WDR41: variants seen among roughly 807,000 people sequenced by gnomAD.
The protein encoded by WDR41 is WD repeat domain 41, also known as WD repeat-containing protein 41.
In WDR41, 63 loss-of-function variants were observed where a neutral mutation model predicts 69.3. That is an observed-to-expected ratio of 0.91 (90% CI 0.74 to 1.12). The LOEUF (loss-of-function observed/expected upper bound fraction) is 1.12. Among genes scored for constraint, WDR41 ranks in the 50% most tolerant of loss-of-function variants. WDR41 has a pLI of 0.00. For missense variants in WDR41, 543 were observed against 534.5 expected (o/e 1.02, Z -0.16); for synonymous variants, 185 against 192.1 (o/e 0.96, Z 0.31).
chr5:77,616,651 C>T (rs1744686249), intron 1 of WDR41, among the ~76,000 whole-genome samples: 1 of 152,154 alleles, frequency 6.6e-6, no homozygotes, highest in African/African-American at 2.4e-5. Flanking sequence ...TAGTTTCTCT[C>T]CTCTTGCACT....
At position 77,479,061 on chromosome 5, in the gene WDR41, T is replaced by G. The variant is rs1385382875; in HGVS notation, c.167+10396A>C. 1.3e-4 allele frequency among the ~76,000 whole-genome samples: 20 copies of G among 152,034 alleles called. No homozygotes were observed. In the South Asian group the frequency reaches 4.0e-3, roughly 30 times the overall value. On this transcript the variant is annotated intron_variant, in intron 2 of 12. Transcript: ENST00000296679. ...ACAGAGAGCCAAATCATGAGTGAAC[T>G]CCCATTCACAATTGCTTCAAAGAGA...
chr5:77,615,687 CAA>C (rs10695519), intron 1 of WDR41, among the ~76,000 whole-genome samples: 14 of 79,380 alleles, frequency 1.8e-4, no homozygotes, highest in African/African-American at 1.5e-4. Context: ...TACTGCAAGT[CAA>C]AAAAAAAAAA....
At chr5:77,540,155 C>T (rs1430459265) in intron 1 of WDR41, among the ~76,000 whole-genome samples, 1 of 152,176 alleles carries the variant, frequency 6.6e-6, no homozygotes, top group African/African-American at 2.4e-5. Flanking sequence ...ATTCCCAGTA[C>T]ACTGTAAAGC....
At chr5:77,464,489 C>G (rs913075694) in intron 3 of WDR41, among the ~76,000 whole-genome samples, 1 of 151,768 alleles carries the variant, frequency 6.6e-6, no homozygotes, top group Non-Finnish European at 1.5e-5. Flanking sequence ...CCAAGTTATC[C>G]GTTCGCCTTG....
At chr5:77,552,302 G>A (rs79338111) in intron 1 of WDR41, among the ~76,000 whole-genome samples, 5,251 of 152,018 alleles carry the variant, frequency 0.035, 130 homozygotes, top group Middle Eastern at 0.1. Context: ...ATAACTCCAA[G>A]GAAAATGAAA....
At position 77,492,280 on chromosome 5, in the gene WDR41, C is replaced by T. The variant is rs892214766; in HGVS notation, c.-60G>A. 1.5e-5 allele frequency: 24 copies of T among 1,602,312 alleles called. No individual in the cohort carries two copies. Among genetic ancestry groups the T allele is most frequent in the Non-Finnish European group, 1.8e-5 (21 of 1,174,770 alleles). Reference sequence around the variant, plus strand: ...CAGTCAGCCCAAACTCCGCCCCAGGCTCGGCCTCCTCCTTCCTCCCCGGCT... The same window carrying T: ...CAGTCAGCCCAAACTCCGCCCCAGGTTCGGCCTCCTCCTTCCTCCCCGGCT... On this transcript the variant is annotated 5_prime_UTR_variant, in exon 1 of 13. Coordinates refer to ENST00000296679, the MANE Select transcript of WDR41 (RefSeq NM_018268.4).
At position 77,459,068 on chromosome 5, in the gene WDR41, A is replaced by G; in HGVS notation, c.405T>C (p.Thr135=). ...QVQRISCFQS[T]VKCLTVLQRL... ...TATTTACTTAAGATTTTACCTTTAC[A>G]GTAGACTGGAAGCATGATATTCTCT... The change falls in exon 5 of 13, where the codon ACT becomes ACC. Residue 135 remains threonine (T), a synonymous_variant. Transcript: ENST00000296679. 1.9e-6 allele frequency: 3 copies of G among 1,597,766 alleles called. No individual in the cohort carries two copies. In the South Asian group the frequency reaches 3.4e-5, roughly 18 times the overall value.
chr5:77,550,122 CCT>C (rs1454053011), intron 1 of WDR41, among the ~76,000 whole-genome samples: 1 of 152,102 alleles, frequency 6.6e-6, no homozygotes, highest in Admixed American at 6.6e-5. Flanking sequence ...AAATCTAAGA[CCT>C]CAAACTATAA....
chr5:77,465,483 T>A (rs1453777587), intron 2 of WDR41, among the ~76,000 whole-genome samples: 1 of 152,146 alleles, frequency 6.6e-6, no homozygotes, highest in Non-Finnish European at 1.5e-5. Context: ...GAGTAGAAGA[T>A]ATTCTGAACA....
chr5:77,606,905 G>GAAA (rs1195622632), intron 1 of WDR41, among the ~76,000 whole-genome samples: 1 of 85,648 alleles, frequency 1.2e-5, no homozygotes, highest in Non-Finnish European at 2.6e-5. Flanking sequence ...CAATGAAAAA[G>GAAA]AAAAAAAAAA....
chr5:77,486,704 T>C (rs1007408483), intron 2 of WDR41, among the ~76,000 whole-genome samples: 2 of 152,178 alleles, frequency 1.3e-5, no homozygotes, highest in African/African-American at 4.8e-5. Context: ...TCAGCTGAAA[T>C]GAACCAGCCA....
At chr5:77,552,008 A>C (rs1195031882) in intron 1 of WDR41, among the ~76,000 whole-genome samples, 47 of 101,912 alleles carry the variant, frequency 4.6e-4, no homozygotes, top group African/African-American at 1.5e-3. Context: ...AATAAAATAA[A>C]ATAAAATAAA....
intron 1 of WDR41, among the ~76,000 whole-genome samples, chr5:77,573,908 T>C (rs959029192): frequency 3.9e-5 from 6 of 152,210 alleles, no homozygotes; most frequent in Non-Finnish European, 5.9e-5. Context: ...GCAACTTTTC[T>C]AGAAGAGAGA....
At chr5:77,507,218 G>C (rs1221326169) in intron 1 of WDR41, among the ~76,000 whole-genome samples, 1 of 151,958 alleles carries the variant, frequency 6.6e-6, no homozygotes, top group African/African-American at 2.4e-5. Flanking sequence ...TGAGAACGTA[G>C]GCATATTTAA....
At chr5:77,580,820 G>T (rs1476785551) in intron 1 of WDR41, among the ~76,000 whole-genome samples, 1 of 151,886 alleles carries the variant, frequency 6.6e-6, no homozygotes, top group East Asian at 1.9e-4. Flanking sequence ...GCCAGGCGTG[G>T]TGGTGGGCAC....
intron 1 of WDR41, among the ~76,000 whole-genome samples, chr5:77,607,724 T>C (rs1052690153): frequency 6.6e-6 from 1 of 152,252 alleles, no homozygotes; most frequent in Non-Finnish European, 1.5e-5. Context: ...TTTAATAATA[T>C]ACACATACAT....
At chr5:77,461,981 A>G (rs980635993) in intron 4 of WDR41, among the ~76,000 whole-genome samples, 1 of 152,220 alleles carries the variant, frequency 6.6e-6, no homozygotes, top group Non-Finnish European at 1.5e-5. Context: ...TACAGAAAAC[A>G]TTTTATGAAG....
At chr5:77,568,803 A>G (rs753585976) in intron 1 of WDR41, among the ~76,000 whole-genome samples, 9 of 152,214 alleles carry the variant, frequency 5.9e-5, no homozygotes, top group African/African-American at 9.6e-5. Flanking sequence ...CCTCTCCCAG[A>G]AAAGCTCTTT....
At position 77,434,821 on chromosome 5, in the gene WDR41, T is replaced by G. The variant is rs1006518280; in HGVS notation, c.1227+1440A>C. On this transcript the variant is annotated intron_variant, in intron 12 of 12. Transcript: ENST00000296679. ...CAACACTTTCACTCAGGAAAATTCC[T>G]AAGAAGCTGACACTGTTTTATAGAA... 5.3e-5 allele frequency among the ~76,000 whole-genome samples: 8 copies of G among 152,276 alleles called. 1 individual carries two copies. The South Asian group carries it at 1.7e-3, about 32-fold the overall frequency.
Sources: allele counts gnomAD v4.1 joint callset (sites outside exome capture counted in the v4.1 genomes callset), GRCh38; gene constraint gnomAD v4.1.1; transcripts MANE v1.5; gene names NCBI Gene and HGNC (gene_info 2026-07-23, HGNC 2026-07-21).